The following USP50 variants were observed in gnomAD, a reference collection of about 807,000 sequenced individuals.
USP50 encodes ubiquitin carboxyl-terminal hydrolase 50.
In USP50, 37 loss-of-function variants were observed where a neutral mutation model predicts 39.2. The observed-to-expected ratio is 0.94, with a 90% CI of 0.73 to 1.24. The LOEUF (loss-of-function observed/expected upper bound fraction) is 1.24, where lower values mean the gene tolerates loss of function less well. Ranked by LOEUF, USP50 falls within the 50% of genes most tolerant of loss-of-function variation. The pLI is 0.00. For missense variants in USP50, 374 were observed against 398.2 expected (o/e 0.94, Z 0.52); for synonymous variants, 139 against 144.5 (o/e 0.96, Z 0.27).
intron 6 of USP50, among the ~76,000 whole-genome samples, chr15:50,527,941 A>G (rs2052911300): frequency 6.6e-6 from 1 of 152,134 alleles, no homozygotes. Flanking sequence ...TCAACCTCAC[A>G]GATGCTTAGT....
At chr15:50,508,463 A>T (rs1053129266) in intron 6 of USP50, 4 of 152,086 alleles carry the variant, frequency 2.6e-5, no homozygotes, top group African/African-American at 7.3e-5. Flanking sequence ...ATTCTATAAT[A>T]AAAAAAGGCA....
At chr15:50,504,264 C>G (rs899809858) in intron 6 of USP50, 2 of 152,200 alleles carry the variant, frequency 1.3e-5, no homozygotes, top group Non-Finnish European at 2.9e-5. Context: ...GTGGCTCACA[C>G]GTGTAATCCC....
intron 5 of USP50, chr15:50,532,080 T>C (rs1442233638): frequency 2.2e-6 from 1 of 455,958 alleles, no homozygotes; most frequent in Admixed American, 2.4e-5. Context: ...GAACTGTAAT[T>C]GATGAATTGC....
Position 50,538,703 on chromosome 15 carries a change from C to G in USP50, c.803+6G>C. 1 of 1,563,322 alleles carries G rather than the reference C, an allele frequency of 6.4e-7. No homozygotes were observed. The highest frequency in any genetic ancestry group is 8.7e-7 in the Non-Finnish European group (1 of 1,154,616). ...TATGTGCCCACAAAAATGTAAAAATCCATACCTTTTTAGGTGGAAAATAAT... is the reference window on the plus strand; with the variant it reads ...TATGTGCCCACAAAAATGTAAAAATGCATACCTTTTTAGGTGGAAAATAAT... On this transcript the variant is annotated splice_donor_region_variant and intron_variant, in intron 5 of 6. Coordinates refer to ENST00000532404, the MANE Select transcript of USP50 (RefSeq NM_203494.5).
chr15:50,509,675 A>AAAATT (rs2052713818), intron 6 of USP50: 1 of 152,124 alleles, frequency 6.6e-6, no homozygotes. Context: ...AAAATAAAAT[A>AAAATT]AAAAAGAGAC....
At chr15:50,520,827 C>T (rs1235575683) in intron 6 of USP50, among the ~76,000 whole-genome samples, 5 of 151,978 alleles carry the variant, frequency 3.3e-5, no homozygotes, top group African/African-American at 9.7e-5. Flanking sequence ...CTGGGAACAA[C>T]TTGGGGAGGA....
At chr15:50,542,477 T>TC (rs2053037242) in intron 3 of USP50, among the ~76,000 whole-genome samples, 1 of 145,048 alleles carries the variant, frequency 6.9e-6, no homozygotes, top group African/African-American at 2.5e-5. Context: ...TTTTTTTCCT[T>TC]TTCATTTTTT....
chr15:50,499,319 T>G (rs1205167801), downstream of USP50: 1 of 354,972 alleles, frequency 2.8e-6, no homozygotes. Context: ...ACTTTTTTAG[T>G]CTGCTCCAAA....
In USP50 at chr15:50,500,706, A is replaced by C. The variant is rs2052567871; in HGVS notation, c.*63T>G. ...AGGGCTGGCAGCTATAGAACAGGAG[A>C]TCCATAGCATTTTGAACAGAAGTAT... On this transcript the variant is annotated 3_prime_UTR_variant, in exon 7 of 7. Coordinates refer to ENST00000532404, the MANE Select transcript of USP50 (RefSeq NM_203494.5). 6.9e-7 allele frequency: 1 copy of C among 1,448,520 alleles called. No individual in the cohort carries two copies. Among genetic ancestry groups the C allele is most frequent in the Non-Finnish European group, 9.5e-7 (1 of 1,052,996 alleles). 89.7% of individuals were successfully genotyped at this position (1,448,520 alleles called of 1,614,324 possible).
downstream of USP50, chr15:50,499,134 C>T: frequency 6.6e-7 from 1 of 1,516,238 alleles, no homozygotes; most frequent in Non-Finnish European, 8.8e-7. Flanking sequence ...GGCTCAGCAA[C>T]ACAACTCTTG....
intron 6 of USP50, among the ~76,000 whole-genome samples, chr15:50,520,268 C>T (rs2052838048): frequency 1.3e-5 from 2 of 151,546 alleles, no homozygotes; most frequent in Non-Finnish European, 2.9e-5. Flanking sequence ...CATGATTTCA[C>T]CACTTGCACT....
At chr15:50,496,116 A>G (rs764102190), downstream of USP50, 1 of 1,520,316 alleles carries the variant, frequency 6.6e-7, no homozygotes, top group Non-Finnish European at 9.0e-7. Flanking sequence ...AAAATGATTT[A>G]TTGGATAAAA....
chr15:50,529,662 T>C lies in USP50; in HGVS notation c.936+135A>G, dbSNP rs28667535. 1.9e-3 allele frequency: 1,738 copies of C among 923,126 alleles called. 28 individuals carry two copies. In the African/African-American group the frequency reaches 0.027, roughly 14 times the overall value. The allele number at this position is 923,126 out of a possible 1,614,324, so 57.2% of individuals were successfully genotyped here. On this transcript the variant is annotated intron_variant, in intron 6 of 6. Transcript: ENST00000532404. ...GTTCCTCTACTTGTCTAGGTCAAAG[T>C]GGAGAGTTTCCTGGTCTATATTTTT... is the stretch of plus-strand genomic sequence containing the variant.
chr15:50,533,045 G>A (rs1196912410), intron 5 of USP50, among the ~76,000 whole-genome samples: 1 of 151,942 alleles, frequency 6.6e-6, no homozygotes, highest in African/African-American at 2.4e-5. Flanking sequence ...AGTGGCTCAC[G>A]CCTGTATCCC....
intron 2 of USP50, 141 bp from the exon 3 acceptor site, chr15:50,543,934 A>G: frequency 1.3e-6 from 1 of 758,882 alleles, no homozygotes; most frequent in Non-Finnish European, 2.2e-6. Context: ...AGGCCAATGC[A>G]GGAGGATAGC....
intron 1 of USP50, 99 bp downstream of exon 1, chr15:50,546,374 G>C: frequency 1.5e-6 from 2 of 1,321,556 alleles, no homozygotes; most frequent in Non-Finnish European, 2.2e-6. Flanking sequence ...TCACACCTGG[G>C]AGAACCCTCC....
intron 5 of USP50, among the ~76,000 whole-genome samples, chr15:50,532,780 T>C (rs1417148419): frequency 6.6e-6 from 1 of 152,220 alleles, no homozygotes; most frequent in Non-Finnish European, 1.5e-5. Context: ...AAGCAGAGAC[T>C]TGGAAATCCT....
At chr15:50,525,619 T>G (rs150649872) in intron 6 of USP50, among the ~76,000 whole-genome samples, 2,089 of 134,770 alleles carry the variant, frequency 0.016, 33 homozygotes, top group Admixed American at 0.028. Context: ...TATATGTATA[T>G]ATGTATATGT....
chr15:50,500,818 T>C lies in USP50; in HGVS notation c.956A>G (p.Asp319Gly), dbSNP rs896237912. The C allele has an allele frequency of 1.2e-5, 19 of 1,585,488 alleles. No individual in the cohort carries two copies. The highest frequency in any genetic ancestry group is 1.6e-5 in the Non-Finnish European group (19 of 1,165,266). ...CAVVNHFGDL[D>G]GGHYTAFCKN... Reference sequence around the variant, plus strand: ...GCAGAAAGCAGTGTAGTGGCCACCATCCAAATCACCAAAATGGTTCTATGG... The same window carrying C: ...GCAGAAAGCAGTGTAGTGGCCACCACCCAAATCACCAAAATGGTTCTATGG... Residue 319 changes from aspartate (D) to glycine (G), a missense_variant, in exon 7 of 7, where the codon GAT (aspartate) becomes GGT (glycine). Asp to Gly is a moderately conservative substitution (Grantham distance 94). Transcript: ENST00000532404.
Sources: gnomAD v4.1 joint callset for allele counts (sites outside exome capture counted in the v4.1 genomes callset) on GRCh38, gnomAD v4.1.1 for gene constraint, MANE v1.5 for transcripts, NCBI Gene and HGNC (gene_info 2026-07-23, HGNC 2026-07-21) for gene names.